PHACTR3: variants seen among roughly 807,000 people sequenced by gnomAD.
PHACTR3 encodes protein phosphatase 1, regulatory subunit 123.
Under a neutral mutation model 66.8 loss-of-function variants are expected in PHACTR3, and 16 were observed. The observed-to-expected ratio is 0.24, with a 90% CI of 0.16 to 0.36. The LOEUF (loss-of-function observed/expected upper bound fraction) is 0.36. Ranked by LOEUF, PHACTR3 falls within the 10% of genes least tolerant of loss-of-function variation. The probability of loss-of-function intolerance (pLI) is 1.00; values close to 1 mark genes in which losing one functional copy is unlikely to be tolerated. For missense variants in PHACTR3, 647 were observed against 719.9 expected (o/e 0.90, Z 1.16); for synonymous variants, 323 against 292.1 (o/e 1.11, Z -1.08).
intron 1 of PHACTR3, among the ~76,000 whole-genome samples, chr20:59,619,047 T>G (rs2146360900): frequency 6.6e-6 from 1 of 152,264 alleles, no homozygotes; most frequent in Non-Finnish European, 1.5e-5. Flanking sequence ...CAGGGGTGGA[T>G]GCTCACTACC....
rs543246442 is a variant in PHACTR3, at chr20:59,725,619, G to A, written c.119-17488G>A. On this transcript the variant is annotated intron_variant, in intron 1 of 12. Coordinates refer to ENST00000371015, the MANE Select transcript of PHACTR3 (RefSeq NM_080672.5). ...TTGAGAGCAAGTAATTTATAAGAAA[G>A]CTGTCCCAGGAGAAGCTGGCACCAG... Among the ~76,000 whole-genome samples, 32 of 152,314 alleles carry A rather than the reference G, an allele frequency of 2.1e-4. 1 individual carries two copies. Among genetic ancestry groups the A allele is most frequent in the Admixed American group, 9.2e-4 (14 of 15,296 alleles).
Position 59,840,379 on chromosome 20 carries a change from T to C in PHACTR3, c.1395T>C (p.Asp465=). The C allele has an allele frequency of 6.2e-7, 1 of 1,611,730 alleles. No individual in the cohort carries two copies. The highest frequency in any genetic ancestry group is 2.2e-5 in the East Asian group (1 of 44,834). ...TTTAATCTTTCACAGAAAGGAATGATCAGACAGAGCAGGAAGAAAGAAGAG... is the reference window on the plus strand; with the variant it reads ...TTTAATCTTTCACAGAAAGGAATGACCAGACAGAGCAGGAAGAAAGAAGAG... ...ERRNILKQRN[D]QTEQEERREI... Residue 465 remains aspartate (D), a synonymous_variant, in exon 10 of 13, where the codon GAT becomes GAC. Transcript: ENST00000371015.
intron 1 of PHACTR3, among the ~76,000 whole-genome samples, chr20:59,622,390 T>C (rs962094343): frequency 2.6e-5 from 4 of 152,270 alleles, no homozygotes; most frequent in South Asian, 2.1e-4. Flanking sequence ...TTCCTACTCC[T>C]GGGGTGGGTA....
chr20:59,675,785 G>T (rs2146526284), intron 1 of PHACTR3, among the ~76,000 whole-genome samples: 1 of 152,304 alleles, frequency 6.6e-6, no homozygotes, highest in African/African-American at 2.4e-5. Context: ...GGTCCCAAAT[G>T]TCACCAGTGC....
At chr20:59,788,392 G>GC (rs1201381101) in intron 7 of PHACTR3, among the ~76,000 whole-genome samples, 1 of 152,048 alleles carries the variant, frequency 6.6e-6, no homozygotes, top group Non-Finnish European at 1.5e-5. Context: ...GGGTCTGGAT[G>GC]CCCCCCACGC....
At chr20:59,703,567 T>C (rs2146619136) in intron 1 of PHACTR3, among the ~76,000 whole-genome samples, 1 of 152,306 alleles carries the variant, frequency 6.6e-6, no homozygotes, top group African/African-American at 2.4e-5. Flanking sequence ...AAACCAAAGT[T>C]TCATTCCAGT....
intron 1 of PHACTR3, among the ~76,000 whole-genome samples, chr20:59,714,103 A>G (rs1238560314): frequency 6.6e-6 from 1 of 152,202 alleles, no homozygotes; most frequent in Non-Finnish European, 1.5e-5. Flanking sequence ...ATTGAATTCT[A>G]GGAATTTAAA....
At chr20:59,658,554 C>T (rs561224897) in intron 1 of PHACTR3, among the ~76,000 whole-genome samples, 11 of 152,218 alleles carry the variant, frequency 7.2e-5, no homozygotes, top group African/African-American at 1.7e-4. Flanking sequence ...ACTTTTCTGA[C>T]GCTGCAGCCT....
intron 7 of PHACTR3, among the ~76,000 whole-genome samples, chr20:59,796,501 T>TGGTTG (rs1225822374): frequency 2.3e-4 from 35 of 152,280 alleles, no homozygotes; most frequent in African/African-American, 8.2e-4. Flanking sequence ...CTTTCACTTC[T>TGGTTG]GGTTGAAGTA....
chr20:59,710,696 C>T (rs1275365625), intron 1 of PHACTR3, among the ~76,000 whole-genome samples: 1 of 152,090 alleles, frequency 6.6e-6, no homozygotes, highest in Non-Finnish European at 1.5e-5. Flanking sequence ...TCCTCATTAA[C>T]CTTTACCTTG....
intron 1 of PHACTR3, among the ~76,000 whole-genome samples, chr20:59,591,296 C>T (rs1259689109): frequency 6.6e-6 from 1 of 152,212 alleles, no homozygotes; most frequent in Non-Finnish European, 1.5e-5. Flanking sequence ...GTCCCTCCCA[C>T]GGGGCCCCAG....
In PHACTR3 at chr20:59,836,568, G is replaced by A. The variant is rs747064700; in HGVS notation, c.1384+8G>A. On this transcript the variant is annotated splice_region_variant and intron_variant, in intron 9 of 12. Transcript: ENST00000371015. ...GAAGAAATATCTTGAAACGTGAGTA[G>A]CTGGTGATTCCTCTAGAGGTTTTCC... The A allele has an allele frequency of 6.2e-7, 1 of 1,610,452 alleles. No homozygotes were observed. Among genetic ancestry groups the A allele is most frequent in the South Asian group, 1.1e-5 (1 of 90,326 alleles).
At chr20:59,768,429 G>A (rs974583035) in intron 5 of PHACTR3, among the ~76,000 whole-genome samples, 11 of 152,340 alleles carry the variant, frequency 7.2e-5, no homozygotes, top group African/African-American at 2.2e-4. Context: ...ATTTATGGTT[G>A]AGAAAACAGG....
rs118057476 is a variant in PHACTR3 at position 59,845,888 on chromosome 20, A to G, written c.1664+623A>G. On this transcript the variant is annotated intron_variant, in intron 12 of 12. Coordinates refer to ENST00000371015, the MANE Select transcript of PHACTR3 (RefSeq NM_080672.5). ...GATGAATATATTCTCTGTCTATGCT[A>G]TGATATGCAAGGGATGACACTGGGC... is the stretch of plus-strand genomic sequence containing the variant. 3.8e-3 allele frequency among the ~76,000 whole-genome samples: 578 copies of G among 152,290 alleles called. 1 individual carries two copies. Among genetic ancestry groups the G allele is most frequent in the Non-Finnish European group, 6.6e-3 (450 of 67,998 alleles).
At chr20:59,590,604 G>C (rs1490976373) in intron 1 of PHACTR3, among the ~76,000 whole-genome samples, 2 of 152,230 alleles carry the variant, frequency 1.3e-5, no homozygotes. Flanking sequence ...ATCCACGCCA[G>C]CCCTCCTGCT....
At chr20:59,584,878 T>C (rs1303380154) in intron 1 of PHACTR3, among the ~76,000 whole-genome samples, 1 of 152,164 alleles carries the variant, frequency 6.6e-6, no homozygotes, top group African/African-American at 2.4e-5. Flanking sequence ...CTCTTCTTCA[T>C]ATAAGGACAC....
chr20:59,702,930 A>C (rs1438800150), intron 1 of PHACTR3, among the ~76,000 whole-genome samples: 2 of 152,172 alleles, frequency 1.3e-5, no homozygotes, highest in Admixed American at 6.5e-5. Flanking sequence ...GGCCCTACTT[A>C]TGGAGTCTAA....
chr20:59,747,910 G>A (rs1601253499), intron 3 of PHACTR3, 75 bp downstream of exon 3: 1 of 1,487,732 alleles, frequency 6.7e-7, no homozygotes, highest in East Asian at 2.3e-5. Context: ...CATGAGCCCA[G>A]GAAGCCCATC....
intron 1 of PHACTR3, among the ~76,000 whole-genome samples, chr20:59,676,473 C>A (rs138380805): frequency 1.3e-5 from 2 of 151,608 alleles, no homozygotes; most frequent in East Asian, 3.9e-4. Context: ...CCCACCTCAT[C>A]TCTGCTTCCT....
Sources: allele counts gnomAD v4.1 joint callset (sites outside exome capture counted in the v4.1 genomes callset), GRCh38; gene constraint gnomAD v4.1.1; transcripts MANE v1.5; gene names NCBI Gene and HGNC (gene_info 2026-07-23, HGNC 2026-07-21).